The following GPHN variants were observed in gnomAD, a reference collection of about 807,000 sequenced individuals.
GPHN encodes gephyrin.
Under a neutral mutation model 95.5 loss-of-function variants are expected in GPHN, and 17 were observed. That is an observed-to-expected ratio of 0.18 (90% CI 0.12 to 0.27). The LOEUF is 0.27. GPHN is among the 10% of genes least tolerant of loss of function. The probability of loss-of-function intolerance (pLI) is 1.00; values close to 1 mark genes in which losing one functional copy is unlikely to be tolerated. For synonymous variants in GPHN, 320 were observed against 322.5 expected, an observed-to-expected ratio of 0.99 and a Z score of 0.08; for missense variants, 660 against 978.1, an observed-to-expected ratio of 0.67 and a Z score of 4.34.
intron 17 of GPHN, among the ~76,000 whole-genome samples, chr14:67,138,076 C>A (rs2153701701): frequency 6.6e-6 from 1 of 152,008 alleles, no homozygotes; most frequent in East Asian, 1.9e-4. Context: ...TAGCTTTTAT[C>A]TGAAGGTGTT....
the GPHN span, among the ~76,000 whole-genome samples, chr14:67,239,001 T>C: frequency 1.3e-5 from 2 of 152,208 alleles, no homozygotes; most frequent in Admixed American, 6.5e-5. Context: ...TGAATTGTTA[T>C]AGCACTTTAA....
At chr14:66,735,040 G>A (rs2072132092) in intron 2 of GPHN, among the ~76,000 whole-genome samples, 1 of 152,096 alleles carries the variant, frequency 6.6e-6, no homozygotes, top group South Asian at 2.1e-4. Flanking sequence ...TGGAGATCTG[G>A]TATAGAAATT....
chr14:67,521,471 A>G, the GPHN span, among the ~76,000 whole-genome samples: 1 of 152,154 alleles, frequency 6.6e-6, no homozygotes, highest in Non-Finnish European at 1.5e-5. Flanking sequence ...TCCATGTGGG[A>G]AAGGGGTAGG....
At chr14:67,329,037 G>A in the GPHN span, among the ~76,000 whole-genome samples, 16 of 152,148 alleles carry the variant, frequency 1.1e-4, no homozygotes, top group East Asian at 2.7e-3. Flanking sequence ...AGCTTGATGG[G>A]GATGGCATTG....
chr14:66,924,752 C>A (rs1378897255), intron 8 of GPHN, among the ~76,000 whole-genome samples: 1 of 151,810 alleles, frequency 6.6e-6, no homozygotes, highest in Non-Finnish European at 1.5e-5. Context: ...ATTCATTGAG[C>A]TCTCATTACA....
chr14:67,303,549 G>T, the GPHN span: 2 of 1,613,740 alleles, frequency 1.2e-6, no homozygotes, highest in Non-Finnish European at 8.5e-7. Context: ...TTTGACTTTT[G>T]TCCTGATTCC....
At chr14:67,011,739 A>G (rs747590565) in intron 9 of GPHN, among the ~76,000 whole-genome samples, 17 of 151,136 alleles carry the variant, frequency 1.1e-4, no homozygotes, top group Non-Finnish European at 2.2e-4. Flanking sequence ...CTACTGGTTT[A>G]TAGTATAACT....
chr14:66,914,768 T>C (rs1274981693), intron 5 of GPHN, among the ~76,000 whole-genome samples: 1 of 152,086 alleles, frequency 6.6e-6, no homozygotes, highest in African/African-American at 2.4e-5. Flanking sequence ...GGTGATATTA[T>C]AATCAATTAG....
intron 1 of GPHN, among the ~76,000 whole-genome samples, chr14:66,674,827 T>G (rs187326111): frequency 6.6e-6 from 1 of 152,374 alleles, no homozygotes; most frequent in Admixed American, 6.5e-5. Flanking sequence ...TGCTTTTTGA[T>G]AAATGCCCAT....
At chr14:67,488,694 A>AG in the GPHN span, 1 of 152,464 alleles carries the variant, frequency 6.6e-6, no homozygotes, top group Non-Finnish European at 1.5e-5. Context: ...CTAGGCCCTC[A>AG]GCCACATCCA....
At chr14:67,615,983 T>A in the GPHN span, 1 of 301,438 alleles carries the variant, frequency 3.3e-6, no homozygotes, top group East Asian at 7.0e-5. Flanking sequence ...AAGGAAAGTC[T>A]GATGCAGCCA....
the GPHN span, among the ~76,000 whole-genome samples, chr14:67,434,252 A>T: frequency 6.6e-6 from 1 of 152,252 alleles, no homozygotes; most frequent in Non-Finnish European, 1.5e-5. Flanking sequence ...AAATTAATAT[A>T]AATGATAAAA....
rs541535392 is a variant in GPHN at position 66,516,867 on chromosome 14, C to T, written c.64+8276C>T. On this transcript the variant is annotated intron_variant, in intron 1 of 22. Transcript: ENST00000478722. ...AGAAACTGAGCCAGGCACAGGGGCT[C>T]ACGCCTGTAATCCCAGCACTTTGGG... is the stretch of plus-strand genomic sequence containing the variant. Among the ~76,000 whole-genome samples the T allele has an allele frequency of 9.2e-5, 14 of 152,272 alleles. No individual in the cohort carries two copies. The East Asian group carries it at 2.5e-3, about 27-fold the overall frequency.
chr14:67,724,493 T>G, the GPHN span: 2 of 1,611,008 alleles, frequency 1.2e-6, no homozygotes, highest in Non-Finnish European at 1.7e-6. Context: ...GCTGGTGGAG[T>G]GTGTAGAACA....
At chr14:67,223,547 G>A in the GPHN span, among the ~76,000 whole-genome samples, 2 of 152,170 alleles carry the variant, frequency 1.3e-5, no homozygotes, top group African/African-American at 2.4e-5. Flanking sequence ...ATGGGGCTTT[G>A]GAAATCAGGA....
chr14:67,542,740 G>A, the GPHN span, among the ~76,000 whole-genome samples: 1 of 151,612 alleles, frequency 6.6e-6, no homozygotes, highest in African/African-American at 2.4e-5. Context: ...CGCTCTTGTT[G>A]CCCAGGCTGG....
intron 12 of GPHN, among the ~76,000 whole-genome samples, chr14:67,093,955 G>A (rs546760683): frequency 6.6e-6 from 1 of 152,162 alleles, no homozygotes; most frequent in Non-Finnish European, 1.5e-5. Flanking sequence ...AAGCAGAGCA[G>A]ACAAATTACT....
At chr14:66,934,770 G>C (rs1333282817) in intron 8 of GPHN, among the ~76,000 whole-genome samples, 1 of 152,166 alleles carries the variant, frequency 6.6e-6, no homozygotes, top group Non-Finnish European at 1.5e-5. Flanking sequence ...AACATTTTGT[G>C]AACCACTCAT....
the GPHN span, among the ~76,000 whole-genome samples, chr14:67,463,183 C>A: frequency 1.3e-5 from 2 of 152,164 alleles, no homozygotes; most frequent in Non-Finnish European, 2.9e-5. Flanking sequence ...CTTTGGGAGG[C>A]CGAGGTGGGA....
Sources: allele counts gnomAD v4.1 joint callset (sites outside exome capture counted in the v4.1 genomes callset), GRCh38; gene constraint gnomAD v4.1.1; transcripts MANE v1.5; gene names NCBI Gene and HGNC (gene_info 2026-07-23, HGNC 2026-07-21).